LAMA3: variants seen among roughly 807,000 people sequenced by gnomAD.
The protein encoded by LAMA3 is laminin subunit alpha 3, also known as laminin subunit alpha-3.
Under a neutral mutation model 402.0 loss-of-function variants are expected in LAMA3, and 281 were observed. The observed-to-expected ratio is 0.70, with a 90% CI of 0.63 to 0.77. LAMA3 has a LOEUF of 0.77. LAMA3 is among the 30% of genes least tolerant of loss of function. The pLI is 0.00. For synonymous variants in LAMA3, 1,431 were observed against 1,558.4 expected (o/e 0.92, Z 1.93); for missense variants, 3,840 against 4,215.5 (o/e 0.91, Z 2.47).
Position 23,858,032 on chromosome 18 carries a change from A to C in LAMA3, c.4281+44A>C, listed in dbSNP as rs148503364. ...TGCCAGACAACAGCTGCCGGTCAGCAGGAAAGTGCTTCATGTTGAGTCAAC... is the reference window on the plus strand; with the variant it reads ...TGCCAGACAACAGCTGCCGGTCAGCCGGAAAGTGCTTCATGTTGAGTCAAC... On this transcript the variant is annotated intron_variant, in intron 33 of 74. Transcript: ENST00000313654. 3.0e-4 allele frequency: 492 copies of C among 1,613,164 alleles called. 3 individuals carry two copies. The African/African-American group carries it at 5.7e-3, about 19-fold the overall frequency.
At chr18:23,911,424 A>G (rs2081420318) in intron 55 of LAMA3, among the ~76,000 whole-genome samples, 1 of 152,234 alleles carries the variant, frequency 6.6e-6, no homozygotes, top group African/African-American at 2.4e-5. Context: ...GGTCTATTAT[A>G]TATAGTTATA....
At chr18:23,910,301 C>G (rs1324789726) in intron 55 of LAMA3, among the ~76,000 whole-genome samples, 1 of 152,142 alleles carries the variant, frequency 6.6e-6, no homozygotes, top group African/African-American at 2.4e-5. Flanking sequence ...CTCTGTGCCT[C>G]AGTTTCTTGG....
chr18:23,728,955 C>T (rs998429962), intron 2 of LAMA3, among the ~76,000 whole-genome samples: 8 of 150,028 alleles, frequency 5.3e-5, no homozygotes, highest in Admixed American at 1.3e-4. Context: ...CGCTTGAACC[C>T]GGGAGGCAGA....
intron 26 of LAMA3, 63 bp downstream of exon 26, chr18:23,838,941 C>T: frequency 2.0e-6 from 2 of 992,986 alleles, no homozygotes; most frequent in Non-Finnish European, 3.3e-6. Flanking sequence ...GAGTGTAAGG[C>T]TGAAACTTTA....
rs1293371180 is a variant in LAMA3, at chr18:23,953,088, C to T, written c.9835C>T (p.Leu3279=). Residue 3279 remains leucine, a synonymous_variant, in exon 74 of 75, where the codon CTA becomes TTA. Coordinates refer to ENST00000313654, the MANE Select transcript of LAMA3 (RefSeq NM_198129.4). ...PFPPASTQEP[L]HLGGAPANLT... The stretch of plus-strand genomic sequence containing the variant: ...CCCACCTGCCAGCACTCAAGAGCCA[C>T]TACACCTTGGAGGTGCTCCAGGTAA... The T allele has an allele frequency of 1.9e-6, 3 of 1,614,038 alleles. No individual in the cohort carries two copies. The highest frequency in any genetic ancestry group is 4.5e-5 in the East Asian group (2 of 44,884).
intron 2 of LAMA3, among the ~76,000 whole-genome samples, chr18:23,722,253 A>G (rs2061227823): frequency 6.6e-6 from 1 of 152,134 alleles, no homozygotes; most frequent in South Asian, 2.1e-4. Context: ...TTCTGAGATA[A>G]CTCAAATATT....
At chr18:23,902,981 T>C in intron 48 of LAMA3, 28 bp from the exon 49 acceptor site, 1 of 1,352,952 alleles carries the variant, frequency 7.4e-7, no homozygotes. Context: ...ATCATAGAGC[T>C]CAAGCAATTT....
chr18:23,899,267 A>G, intron 46 of LAMA3, 21 bp from the exon 47 acceptor site: 2 of 1,611,250 alleles, frequency 1.2e-6, no homozygotes, highest in Non-Finnish European at 8.5e-7. Context: ...CCAGTCTAAT[A>G]GACCACTTGA....
intron 1 of LAMA3, among the ~76,000 whole-genome samples, chr18:23,694,700 T>C (rs955759903): frequency 4.6e-5 from 7 of 152,342 alleles, no homozygotes; most frequent in Middle Eastern, 3.4e-3. Context: ...ACATGCTAAC[T>C]ACTCCTTCCT....
chr18:23,822,301 T>C lies in LAMA3; in HGVS notation c.2354T>C (p.Phe785Ser), dbSNP rs1335026579. The C allele has an allele frequency of 3.1e-6, 5 of 1,613,650 alleles. No individual in the cohort carries two copies. The highest frequency in any genetic ancestry group is 4.2e-6 in the Non-Finnish European group (5 of 1,179,702). Residue 785 changes from phenylalanine to serine, a missense_variant, in exon 20 of 75, where the codon TTT becomes TCT. This residue lies in a region of LAMA3 where 2,109 missense variants were observed against 2,376.0 expected (regional missense o/e 0.89). Transcript: ENST00000313654. ...GTAGGGAAGTCAAGTGGCTCCTTGT[T>C]TCGTGTTATTCTGAGATACGTTAAC... is the stretch of plus-strand genomic sequence containing the variant. Reference protein sequence around the residue: ...LNVGKSSGSLFRVILRYVNPG... With the variant: ...LNVGKSSGSLSRVILRYVNPG...
intron 2 of LAMA3, 145 bp downstream of exon 2, chr18:23,714,217 G>A: frequency 1.1e-6 from 1 of 885,468 alleles, no homozygotes; most frequent in Non-Finnish European, 1.7e-6. Context: ...ATTAACATTT[G>A]CTTCCCTTAA....
In LAMA3 at chr18:23,904,614, T is replaced by C. The variant is rs760213786; in HGVS notation, c.6535T>C (p.Tyr2179His). 6.2e-7 allele frequency: 1 copy of C among 1,613,444 alleles called. No individual in the cohort carries two copies. The highest frequency in any genetic ancestry group is 8.5e-7 in the Non-Finnish European group (1 of 1,179,836). ...VRCAVDAATA[Y>H]ENILNAIKAA... ...CTGTGCTGTGGATGCCGCCACCGCC[T>C]ACGAGAACATCCTCAATGCCATCAA... The change falls in exon 51 of 75, where the codon TAC becomes CAC. Residue 2179 changes from tyrosine (Y) to histidine (H), a missense_variant. Tyr to His is a moderately conservative substitution (Grantham distance 83). Transcript: ENST00000313654.
At chr18:23,788,708 G>A (rs1488353837) in intron 12 of LAMA3, among the ~76,000 whole-genome samples, 1 of 151,576 alleles carries the variant, frequency 6.6e-6, no homozygotes, top group Non-Finnish European at 1.5e-5. Flanking sequence ...CATAAATTAG[G>A]CAACTGTTTC....
At chr18:23,760,811 G>C (rs2061951820) in intron 7 of LAMA3, among the ~76,000 whole-genome samples, 1 of 152,162 alleles carries the variant, frequency 6.6e-6, no homozygotes. Flanking sequence ...CAAGAGTAAG[G>C]CACCAGCAGA....
chr18:23,904,451 AAAG>A, intron 50 of LAMA3, 99 bp from the exon 51 acceptor site: 2 of 1,304,892 alleles, frequency 1.5e-6, no homozygotes, highest in Non-Finnish European at 2.1e-6. Flanking sequence ...TAAAAAAAAA[AAAG>A]AAAGAAAAAA....
intron 2 of LAMA3, among the ~76,000 whole-genome samples, chr18:23,739,509 A>G (rs989550097): frequency 6.6e-6 from 1 of 152,248 alleles, no homozygotes; most frequent in Non-Finnish European, 1.5e-5. Flanking sequence ...AAAAACAGCA[A>G]AGGATAATTT....
chr18:23,876,945 C>G lies in LAMA3; in HGVS notation c.5112+538C>G, dbSNP rs376083050. Among the ~76,000 whole-genome samples, 8 of 152,278 alleles carry G rather than the reference C, an allele frequency of 5.3e-5. No individual in the cohort carries two copies. In the East Asian group the frequency reaches 1.2e-3, roughly 22 times the overall value. ...CTGAGGCAGGAGAATTGCTTGAACC[C>G]TGGAGGCAGAGGTTGCACTGAGCCG... On this transcript the variant is annotated intron_variant, in intron 39 of 74. Coordinates refer to ENST00000313654, the MANE Select transcript of LAMA3 (RefSeq NM_198129.4).
intron 12 of LAMA3, among the ~76,000 whole-genome samples, chr18:23,795,634 T>C (rs929602306): frequency 4.6e-5 from 7 of 152,130 alleles, no homozygotes; most frequent in African/African-American, 7.2e-5. Context: ...ACCTAAACTG[T>C]TTAAGGCAAA....
intron 8 of LAMA3, among the ~76,000 whole-genome samples, chr18:23,766,990 G>T (rs1286579958): frequency 1.3e-5 from 2 of 152,134 alleles, no homozygotes; most frequent in Non-Finnish European, 1.5e-5. Flanking sequence ...CTTCCAGAAG[G>T]CTTCTGGAAC....
Sources: gnomAD v4.1 joint callset for allele counts (sites outside exome capture counted in the v4.1 genomes callset) on GRCh38, gnomAD v4.1.1 for gene constraint, gnomAD v4.1.1 regional missense constraint, MANE v1.5 for transcripts, NCBI Gene and HGNC (gene_info 2026-07-23, HGNC 2026-07-21) for gene names.